The following TSPAN9 variants were observed in gnomAD, a reference collection of about 807,000 sequenced individuals.
TSPAN9 encodes the protein tetraspanin-9.
In TSPAN9, 16 loss-of-function variants were observed where a neutral mutation model predicts 31.0. The observed-to-expected ratio is 0.52, with a 90% CI of 0.35 to 0.78. The LOEUF (loss-of-function observed/expected upper bound fraction) is 0.78. Among genes scored for constraint, TSPAN9 ranks in the 30% least tolerant of loss-of-function variants. TSPAN9 has a pLI of 0.01. For missense variants in TSPAN9, 272 were observed against 312.5 expected, an observed-to-expected ratio of 0.87 and a Z score of 0.98; for synonymous variants, 145 against 121.6, an observed-to-expected ratio of 1.19 and a Z score of -1.27.
chr12:3,109,041 T>G (rs1434738432), intron 2 of TSPAN9, among the ~76,000 whole-genome samples: 1 of 152,022 alleles, frequency 6.6e-6, no homozygotes, highest in South Asian at 2.1e-4. Flanking sequence ...GTTTACACCA[T>G]TCTCCTGTCT....
intron 2 of TSPAN9, among the ~76,000 whole-genome samples, chr12:3,148,254 C>A (rs2098338222): frequency 6.6e-6 from 1 of 152,174 alleles, no homozygotes; most frequent in East Asian, 1.9e-4. Context: ...GAGAACTACC[C>A]TGTAAAGTAA....
chr12:3,239,553 C>A (rs2098395510), intron 3 of TSPAN9, among the ~76,000 whole-genome samples: 1 of 152,204 alleles, frequency 6.6e-6, no homozygotes, highest in African/African-American at 2.4e-5. Flanking sequence ...GAGTTGGATC[C>A]CAGCAAACGA....
chr12:3,196,756 T>A (rs1480535592), intron 2 of TSPAN9, among the ~76,000 whole-genome samples: 2 of 152,164 alleles, frequency 1.3e-5, no homozygotes, highest in Admixed American at 1.3e-4. Context: ...CTCCACTTCC[T>A]CTCCTACCTG....
At chr12:3,224,613 T>C (rs1420410072) in intron 3 of TSPAN9, among the ~76,000 whole-genome samples, 1 of 152,218 alleles carries the variant, frequency 6.6e-6, no homozygotes, top group Non-Finnish European at 1.5e-5. Flanking sequence ...GGGGAAGCTG[T>C]GCCCAGAGGG....
At chr12:3,086,107 A>G (rs1473027840) in intron 2 of TSPAN9, among the ~76,000 whole-genome samples, 2 of 152,224 alleles carry the variant, frequency 1.3e-5, no homozygotes, top group African/African-American at 2.4e-5. Flanking sequence ...TTCAACTTCA[A>G]TCATAGCCAC....
At chr12:3,082,390 T>C (rs1189351504) in intron 1 of TSPAN9, among the ~76,000 whole-genome samples, 4 of 152,172 alleles carry the variant, frequency 2.6e-5, no homozygotes, top group Non-Finnish European at 5.9e-5. Context: ...ACAACAGCTG[T>C]ATTGTGTGTG....
At chr12:3,258,036 C>T (rs1307539876) in intron 3 of TSPAN9, among the ~76,000 whole-genome samples, 1 of 152,148 alleles carries the variant, frequency 6.6e-6, no homozygotes, top group Admixed American at 6.5e-5. Flanking sequence ...GGAGATAAAC[C>T]TGGGGTCAGC....
At chr12:3,085,809 A>G (rs1370048495) in intron 2 of TSPAN9, among the ~76,000 whole-genome samples, 1 of 152,152 alleles carries the variant, frequency 6.6e-6, no homozygotes, top group African/African-American at 2.4e-5. Context: ...GCCTCTGACT[A>G]GTGCCTTCCC....
At chr12:3,096,019 TCCGCTCCTCCAG>T (rs1157015220) in intron 2 of TSPAN9, among the ~76,000 whole-genome samples, 1 of 136,986 alleles carries the variant, frequency 7.3e-6, no homozygotes, top group Non-Finnish European at 1.6e-5. Flanking sequence ...GCGGGGCCTG[TCCGCTCCTCCAG>T]CCGCTGCCTC....
chr12:3,234,210 G>T (rs1421071890), intron 3 of TSPAN9, among the ~76,000 whole-genome samples: 1 of 152,180 alleles, frequency 6.6e-6, no homozygotes, highest in Non-Finnish European at 1.5e-5. Flanking sequence ...AAGGTGGTTT[G>T]GGCAGTTTTC....
intron 3 of TSPAN9, among the ~76,000 whole-genome samples, chr12:3,259,690 A>G (rs948840415): frequency 6.6e-6 from 1 of 152,268 alleles, no homozygotes; most frequent in Non-Finnish European, 1.5e-5. Flanking sequence ...CACCAAAGGC[A>G]AAACAGAGTG....
chr12:3,109,283 TGTGTGTGTGTGTGTGTGAGAGAGA>T (rs1417264057), intron 2 of TSPAN9, among the ~76,000 whole-genome samples: 2 of 129,674 alleles, frequency 1.5e-5, no homozygotes, highest in African/African-American at 3.7e-5. Flanking sequence ...TGTGTGTGTG[TGTGTGTGTGTGTGTGTGAGAGAGA>T]GTGTGTGTGT....
intron 3 of TSPAN9, among the ~76,000 whole-genome samples, chr12:3,218,495 T>A (rs1348653532): frequency 6.6e-6 from 1 of 152,232 alleles, no homozygotes; most frequent in East Asian, 1.9e-4. Context: ...TGGCCAGGAC[T>A]TCTCACCTGG....
At chr12:3,221,200 C>T (rs1052844027) in intron 3 of TSPAN9, among the ~76,000 whole-genome samples, 6 of 152,150 alleles carry the variant, frequency 3.9e-5, no homozygotes, top group Non-Finnish European at 8.8e-5. Flanking sequence ...TTACTGGTCC[C>T]TTCCCTTATT....
At chr12:3,273,080 CTG>C (rs1450581503) in intron 3 of TSPAN9, 2 of 152,270 alleles carry the variant, frequency 1.3e-5, no homozygotes, top group African/African-American at 2.4e-5. Context: ...AGGCTTTTCT[CTG>C]TGCTGGGGGC....
intron 3 of TSPAN9, among the ~76,000 whole-genome samples, chr12:3,205,892 G>T (rs1480046771): frequency 2.6e-5 from 4 of 151,924 alleles, no homozygotes; most frequent in Non-Finnish European, 4.4e-5. Flanking sequence ...GGAATGCCAG[G>T]TCTGTGTTCA....
At chr12:3,173,278 C>G (rs986359022) in intron 2 of TSPAN9, 2 of 152,336 alleles carry the variant, frequency 1.3e-5, no homozygotes, top group Non-Finnish European at 2.9e-5. Context: ...TATGACCACC[C>G]GCTAGACTCT....
intron 3 of TSPAN9, among the ~76,000 whole-genome samples, chr12:3,221,387 T>G (rs763359832): frequency 1.3e-4 from 20 of 148,604 alleles, no homozygotes; most frequent in Admixed American, 5.4e-4. Flanking sequence ...AGATGAAGTC[T>G]CATTCTTGTC....
intron 2 of TSPAN9, among the ~76,000 whole-genome samples, chr12:3,162,099 A>C (rs546958911): frequency 6.6e-6 from 1 of 152,126 alleles, no homozygotes; most frequent in South Asian, 2.1e-4. Context: ...GAGTGAGTAC[A>C]TCCTCACTGT....
Sources: allele counts gnomAD v4.1 joint callset (sites outside exome capture counted in the v4.1 genomes callset), GRCh38; gene constraint gnomAD v4.1.1; transcripts MANE v1.5; gene names NCBI Gene and HGNC (gene_info 2026-07-23, HGNC 2026-07-21).